The following KIAA1217 variants were observed in gnomAD, a reference collection of about 807,000 sequenced individuals.
The protein encoded by KIAA1217 is KIAA1217.
Under a neutral mutation model 163.9 loss-of-function variants are expected in KIAA1217, and 88 were observed. The observed-to-expected ratio is 0.54, with a 90% CI of 0.45 to 0.64. KIAA1217 has a LOEUF of 0.64. KIAA1217 is among the 30% of genes least tolerant of loss of function. KIAA1217 has a pLI of 0.00. For missense variants in KIAA1217, 2,372 were observed against 2,475.0 expected (o/e 0.96, Z 0.88); for synonymous variants, 903 against 923.1 (o/e 0.98, Z 0.39).
At chr10:24,480,982 TATAAGACTG>T (rs1381109465) in intron 6 of KIAA1217, among the ~76,000 whole-genome samples, 3 of 152,224 alleles carry the variant, frequency 2.0e-5, no homozygotes, top group Non-Finnish European at 4.4e-5. Flanking sequence ...GCATCTGAGC[TATAAGACTG>T]AAGATAAGAC....
At chr10:24,353,040 C>T (rs220351) in intron 2 of KIAA1217, among the ~76,000 whole-genome samples, 24,369 of 151,814 alleles carry the variant, frequency 0.16, 2,034 homozygotes, top group Non-Finnish European at 0.19. Flanking sequence ...TCTACATCAG[C>T]TTTAGACCCA....
intron 2 of KIAA1217, among the ~76,000 whole-genome samples, chr10:24,038,859 C>A (rs574444685): frequency 6.6e-6 from 1 of 150,888 alleles, no homozygotes; most frequent in Non-Finnish European, 1.5e-5. Context: ...TCAGGTGATC[C>A]TCCTGCCTCA....
At position 24,437,105 on chromosome 10, in the gene KIAA1217, A is replaced by G. The variant is rs148276101; in HGVS notation, c.753-1281A>G. Among the ~76,000 whole-genome samples the G allele has an allele frequency of 2.4e-3, 364 of 152,248 alleles. 2 individuals carry two copies. Among genetic ancestry groups the G allele is most frequent in the African/African-American group, 8.2e-3 (341 of 41,536 alleles). On this transcript the variant is annotated intron_variant, in intron 4 of 20. Transcript: ENST00000376454. ...ATGCATTTTAAATACCTCCAGAATCACAGTTAGTCTTTTTCATGGCTCCCG... is the reference window on the plus strand; with the variant it reads ...ATGCATTTTAAATACCTCCAGAATCGCAGTTAGTCTTTTTCATGGCTCCCG...
At chr10:23,876,276 CACTGGGT>C (rs1840689737) in intron 1 of KIAA1217, among the ~76,000 whole-genome samples, 1 of 151,570 alleles carries the variant, frequency 6.6e-6, no homozygotes, top group Non-Finnish European at 1.5e-5. Flanking sequence ...GGGAGCACAA[CACTGGGT>C]ACTCATAGAC....
At chr10:24,240,943 G>A (rs190187680) in intron 2 of KIAA1217, among the ~76,000 whole-genome samples, 89 of 151,558 alleles carry the variant, frequency 5.9e-4, no homozygotes, top group African/African-American at 2.1e-3. Context: ...TGCAACCTCT[G>A]CCTCCCGGCT....
intron 1 of KIAA1217, among the ~76,000 whole-genome samples, chr10:23,779,113 G>A (rs1588783189): frequency 6.6e-6 from 1 of 151,968 alleles, no homozygotes; most frequent in Non-Finnish European, 1.5e-5. Context: ...TTCTGGTTTT[G>A]GACCAGAAAG....
chr10:24,203,682 G>A (rs867202416), intron 2 of KIAA1217, among the ~76,000 whole-genome samples: 4 of 152,120 alleles, frequency 2.6e-5, no homozygotes, highest in Admixed American at 6.6e-5. Flanking sequence ...TGATAATGAG[G>A]CACTGTGGGT....
intron 2 of KIAA1217, among the ~76,000 whole-genome samples, chr10:24,162,583 A>G (rs2065168789): frequency 6.6e-6 from 1 of 152,232 alleles, no homozygotes; most frequent in African/African-American, 2.4e-5. Context: ...GGATGATTTC[A>G]AGGAATTAAA....
rs113877733 is a variant in KIAA1217, at chr10:24,199,970, A to G, written c.-170-19656A>G. Among the ~76,000 whole-genome samples, 1,507 of 151,910 alleles carry G rather than the reference A, an allele frequency of 9.9e-3. 36 individuals are homozygous for G. Among genetic ancestry groups the G allele is most frequent in the African/African-American group, 0.034 (1,411 of 41,500 alleles). ...TATATTTATATACATATTTTAGGAT[A>G]ACATTTAGGATACAGCAGTAGTGGC... is the stretch of plus-strand genomic sequence containing the variant. On this transcript the variant is annotated intron_variant, in intron 2 of 18. Coordinates refer to the KIAA1217 transcript ENST00000376462.
chr10:24,313,593 G>T (rs569332309), intron 2 of KIAA1217, among the ~76,000 whole-genome samples: 1 of 152,176 alleles, frequency 6.6e-6, no homozygotes, highest in Non-Finnish European at 1.5e-5. Context: ...TTTCACGCGG[G>T]ATGTCCTTCT....
intron 2 of KIAA1217, among the ~76,000 whole-genome samples, chr10:24,079,149 A>C (rs1019138334): frequency 6.6e-6 from 1 of 152,242 alleles, no homozygotes; most frequent in Non-Finnish European, 1.5e-5. Context: ...GATTCACAAA[A>C]GGATTCATCA....
At chr10:23,744,583 C>T (rs924005654) in intron 1 of KIAA1217, among the ~76,000 whole-genome samples, 1 of 152,060 alleles carries the variant, frequency 6.6e-6, no homozygotes, top group Non-Finnish European at 1.5e-5. Flanking sequence ...AAAGGCAGCC[C>T]TGGGAAGTAC....
chr10:24,061,846 C>T (rs12256944), intron 2 of KIAA1217, among the ~76,000 whole-genome samples: 36,703 of 152,070 alleles, frequency 0.24, 8,063 homozygotes, highest in African/African-American at 0.59. Flanking sequence ...TTGATTATAA[C>T]GTGCCTTTGT....
exon 1 of KIAA1217, chr10:23,694,990 C>G (rs997511575): frequency 2.0e-5 from 3 of 152,214 alleles, no homozygotes; most frequent in African/African-American, 7.2e-5. Context: ...CGCGCAGCGC[C>G]CTGCGCAGCA....
At chr10:24,022,479 G>A (rs972075819) in intron 2 of KIAA1217, among the ~76,000 whole-genome samples, 1 of 151,744 alleles carries the variant, frequency 6.6e-6, no homozygotes, top group African/African-American at 2.4e-5. Flanking sequence ...TAACAAAGAT[G>A]TGGGGAAAGA....
chr10:24,027,143 G>A (rs74123603), intron 2 of KIAA1217, among the ~76,000 whole-genome samples: 2,007 of 152,014 alleles, frequency 0.013, 50 homozygotes, highest in African/African-American at 0.046. Context: ...ATAGTTCTGT[G>A]CAGCACCTCC....
At chr10:24,244,490 G>A (rs1229461258) in intron 2 of KIAA1217, among the ~76,000 whole-genome samples, 1 of 151,916 alleles carries the variant, frequency 6.6e-6, no homozygotes, top group African/African-American at 2.4e-5. Flanking sequence ...CCACAGAAGG[G>A]ATCAGCAGGT....
chr10:24,423,036 T>C (rs930325741), intron 3 of KIAA1217, among the ~76,000 whole-genome samples: 1 of 137,446 alleles, frequency 7.3e-6, no homozygotes, highest in Non-Finnish European at 1.5e-5. Flanking sequence ...TCCAGAGTAG[T>C]TGGGACTACA....
chr10:24,407,520 G>A (rs945508720), intron 3 of KIAA1217, among the ~76,000 whole-genome samples: 6 of 151,934 alleles, frequency 3.9e-5, no homozygotes, highest in African/African-American at 1.5e-4. Context: ...TGCCCAGGCT[G>A]GTTTCAAACT....
Sources: allele counts gnomAD v4.1 joint callset (sites outside exome capture counted in the v4.1 genomes callset), GRCh38; gene constraint gnomAD v4.1.1; transcripts MANE v1.5; gene names NCBI Gene and HGNC (gene_info 2026-07-23, HGNC 2026-07-21).